Variants in ACOT12 observed in about 807,000 individuals in gnomAD.
ACOT12 encodes the protein acetyl-coenzyme A thioesterase.
In ACOT12, 51 loss-of-function variants were observed where a neutral mutation model predicts 67.7. The observed-to-expected ratio is 0.75, with a 90% CI of 0.60 to 0.95. The LOEUF (loss-of-function observed/expected upper bound fraction) is 0.95, where lower values mean the gene tolerates loss of function less well. ACOT12 is among the 40% of genes least tolerant of loss of function. ACOT12 has a pLI of 0.00. For missense variants in ACOT12, 734 were observed against 708.1 expected (o/e 1.04, Z -0.41); for synonymous variants, 251 against 244.6 (o/e 1.03, Z -0.24).
intron 2 of ACOT12, among the ~76,000 whole-genome samples, chr5:81,383,720 A>G (rs574483404): frequency 6.6e-6 from 1 of 152,150 alleles, no homozygotes; most frequent in African/African-American, 2.4e-5. Flanking sequence ...GTGTTTAATA[A>G]AAAAGTTTAA....
At chr5:81,373,220 C>T (rs556436702) in intron 2 of ACOT12, among the ~76,000 whole-genome samples, 1 of 152,250 alleles carries the variant, frequency 6.6e-6, no homozygotes, top group South Asian at 2.1e-4. Context: ...GGAGGGTGAG[C>T]CGAAGCAAGG....
intron 3 of ACOT12, among the ~76,000 whole-genome samples, chr5:81,368,160 T>C (rs1760139133): frequency 6.6e-6 from 1 of 152,138 alleles, no homozygotes; most frequent in East Asian, 1.9e-4. Flanking sequence ...GGCGTGGTGG[T>C]GCACATGTGT....
chr5:81,389,098 G>A (rs1006701467), intron 1 of ACOT12, among the ~76,000 whole-genome samples: 4 of 152,184 alleles, frequency 2.6e-5, no homozygotes, highest in Admixed American at 2.0e-4. Flanking sequence ...AATGGACTAA[G>A]TGCTCTGAAG....
intron 2 of ACOT12, among the ~76,000 whole-genome samples, chr5:81,380,108 G>C (rs757699736): frequency 8.5e-5 from 13 of 152,070 alleles, no homozygotes; most frequent in Middle Eastern, 3.2e-3. Flanking sequence ...TTAGAAATCT[G>C]AACAAATTTA....
At chr5:81,357,835 G>A (rs1411207823) in intron 5 of ACOT12, among the ~76,000 whole-genome samples, 4 of 151,796 alleles carry the variant, frequency 2.6e-5, no homozygotes, top group Non-Finnish European at 5.9e-5. Context: ...GTGAAACCTC[G>A]TCTCCCCTAA....
At chr5:81,363,957 C>G in intron 3 of ACOT12, 68 bp from the exon 4 acceptor site, 1 of 1,003,310 alleles carries the variant, frequency 1.0e-6, no homozygotes, top group Non-Finnish European at 1.4e-6. Context: ...AAAATTTAGT[C>G]ATATGTATGC....
chr5:81,358,974 C>T (rs1328073798), intron 5 of ACOT12, among the ~76,000 whole-genome samples: 1 of 152,130 alleles, frequency 6.6e-6, no homozygotes, highest in African/African-American at 2.4e-5. Context: ...CCCAGGATAT[C>T]CCCTGGGGCA....
chr5:81,349,317 C>T lies in ACOT12; in HGVS notation c.497-1387G>A, dbSNP rs142586548. 2.9e-3 allele frequency among the ~76,000 whole-genome samples: 435 copies of T among 152,256 alleles called. 6 individuals carry two copies. The highest frequency in any genetic ancestry group is 0.013 in the East Asian group (65 of 5,178). On this transcript the variant is annotated intron_variant, in intron 5 of 14. Coordinates refer to ENST00000307624, the MANE Select transcript of ACOT12 (RefSeq NM_130767.3). ...AACAAGTCAGTAGCTACCCATTGTTCTCGTATAAAACCCCAAATCCTTCCC... is the reference window on the plus strand; with the variant it reads ...AACAAGTCAGTAGCTACCCATTGTTTTCGTATAAAACCCCAAATCCTTCCC...
chr5:81,372,199 A>G (rs1760275726), intron 2 of ACOT12, among the ~76,000 whole-genome samples: 1 of 152,240 alleles, frequency 6.6e-6, no homozygotes, highest in South Asian at 2.1e-4. Flanking sequence ...ACATAAATGG[A>G]CAAATATACA....
At chr5:81,377,708 C>T (rs1006794776) in intron 2 of ACOT12, among the ~76,000 whole-genome samples, 1 of 151,634 alleles carries the variant, frequency 6.6e-6, no homozygotes, top group Non-Finnish European at 1.5e-5. Flanking sequence ...AGACAAACAG[C>T]CAAATCATGA....
intron 2 of ACOT12, among the ~76,000 whole-genome samples, chr5:81,380,294 T>G (rs1456090779): frequency 6.6e-6 from 1 of 152,036 alleles, no homozygotes; most frequent in Admixed American, 6.6e-5. Context: ...CCAGGCATGG[T>G]GGCTCACACC....
At position 81,339,156 on chromosome 5, in the gene ACOT12, G is replaced by A. The variant is rs113555280; in HGVS notation, c.1129-3255C>T. ...CATCTATTGACAAATATGTTATGGA[G>A]ACTACACTGTGGTAAAGAGGGCAAA... On this transcript the variant is annotated intron_variant, in intron 11 of 14. Coordinates refer to ENST00000307624, the MANE Select transcript of ACOT12 (RefSeq NM_130767.3). Among the ~76,000 whole-genome samples, 84 of 152,280 alleles carry A rather than the reference G, an allele frequency of 5.5e-4. 1 individual carries two copies. The highest frequency in any genetic ancestry group is 1.9e-3 in the African/African-American group (78 of 41,552).
chr5:81,380,574 AAAAAAAG>A (rs770968009), intron 2 of ACOT12, among the ~76,000 whole-genome samples: 10,560 of 147,490 alleles, frequency 0.072, 474 homozygotes, highest in Middle Eastern at 0.14. Flanking sequence ...AAAAAAAAAA[AAAAAAAG>A]AAAAGAAATC....
intron 11 of ACOT12, among the ~76,000 whole-genome samples, chr5:81,340,980 T>C (rs990173010): frequency 3.9e-5 from 6 of 152,194 alleles, no homozygotes; most frequent in Non-Finnish European, 7.3e-5. Context: ...CTAGCAAATT[T>C]ATTTGGGTAT....
At chr5:81,308,904 C>T in the ACOT12 span, 3 of 1,529,670 alleles carry the variant, frequency 2.0e-6, no homozygotes, top group East Asian at 4.5e-5. Flanking sequence ...TATGACTTGC[C>T]ATATGTATTG....
chr5:81,335,013 G>A (rs75444875), intron 12 of ACOT12, among the ~76,000 whole-genome samples: 3,790 of 152,314 alleles, frequency 0.025, 54 homozygotes, highest in African/African-American at 0.046. Flanking sequence ...TCTCACCAGG[G>A]AGGGTTGCTT....
intron 5 of ACOT12, among the ~76,000 whole-genome samples, chr5:81,354,494 G>A (rs1580555367): frequency 6.6e-6 from 1 of 152,090 alleles, no homozygotes; most frequent in African/African-American, 2.4e-5. Flanking sequence ...TTACCTTGAG[G>A]GGGGTGTGAA....
intron 2 of ACOT12, among the ~76,000 whole-genome samples, chr5:81,383,395 A>G (rs72771198): frequency 0.06 from 9,136 of 152,300 alleles, 375 homozygotes; most frequent in Non-Finnish European, 0.094. Context: ...TCAAACCTTC[A>G]TCATGTCAAT....
Position 81,332,539 on chromosome 5 carries a change from C to A in ACOT12, c.1329G>T (p.Leu443=). The change falls in exon 13 of 15, where the codon CTG becomes CTT. Residue 443 remains leucine, a synonymous_variant. Coordinates refer to ENST00000307624, the MANE Select transcript of ACOT12 (RefSeq NM_130767.3). The part of the protein sequence containing the change: ...DQLYHITCPI[L]NDDKPKDLVV... ...CCAAGTCTTTGGGTTTGTCATCATT[C>A]AGTATAGGACAGGTGATGTGATACA... 1 of 1,614,098 alleles carries A rather than the reference C, an allele frequency of 6.2e-7. No homozygotes were observed. The highest frequency in any genetic ancestry group is 8.5e-7 in the Non-Finnish European group (1 of 1,180,014).
Sources: gnomAD v4.1 joint callset for allele counts (sites outside exome capture counted in the v4.1 genomes callset) on GRCh38, gnomAD v4.1.1 for gene constraint, MANE v1.5 for transcripts, NCBI Gene and HGNC (gene_info 2026-07-23, HGNC 2026-07-21) for gene names.